ENAH: variants seen among roughly 807,000 people sequenced by gnomAD.
ENAH encodes ENAH actin regulator, also known as protein enabled homolog.
A neutral mutation model predicts 78.7 loss-of-function variants in ENAH; 23 were observed. That is an observed-to-expected ratio of 0.29 (90% CI 0.21 to 0.41). The LOEUF is 0.41. Ranked by LOEUF, ENAH falls within the 10% of genes least tolerant of loss-of-function variation. ENAH has a pLI of 1.00. For synonymous variants in ENAH, 226 were observed against 241.0 expected, an observed-to-expected ratio of 0.94 and a Z score of 0.58; for missense variants, 544 against 691.0, an observed-to-expected ratio of 0.79 and a Z score of 2.39.
chr1:225,634,558 T>C (rs1659717069), intron 1 of ENAH, among the ~76,000 whole-genome samples: 1 of 152,182 alleles, frequency 6.6e-6, no homozygotes, highest in Non-Finnish European at 1.5e-5. Flanking sequence ...ACATCAATAA[T>C]GTTGAGGTTG....
At chr1:225,621,750 C>T (rs562225316) in intron 1 of ENAH, among the ~76,000 whole-genome samples, 2 of 152,254 alleles carry the variant, frequency 1.3e-5, no homozygotes, top group Admixed American at 1.3e-4. Context: ...GAATAAATCC[C>T]AAGCAGTCAC....
At chr1:225,624,102 G>A (rs1028459446) in intron 1 of ENAH, among the ~76,000 whole-genome samples, 39 of 152,034 alleles carry the variant, frequency 2.6e-4, no homozygotes, top group Admixed American at 2.0e-4. Flanking sequence ...CTTTTTTATG[G>A]CTGCAACAAA....
At chr1:225,515,588 A>G (rs559284581) in intron 6 of ENAH, among the ~76,000 whole-genome samples, 1 of 152,230 alleles carries the variant, frequency 6.6e-6, no homozygotes, top group Non-Finnish European at 1.5e-5. Flanking sequence ...GGGCAAGAAG[A>G]GAAATGTTCA....
At chr1:225,498,452 TAAAG>T in intron 12 of ENAH, 48 bp from the exon 13 acceptor site, 1 of 1,171,996 alleles carries the variant, frequency 8.5e-7, no homozygotes, top group Non-Finnish European at 1.2e-6. Context: ...AAATTACCAC[TAAAG>T]AGATTCTTAC....
intron 3 of ENAH, among the ~76,000 whole-genome samples, chr1:225,547,817 A>G (rs1201540550): frequency 6.6e-6 from 1 of 152,102 alleles, no homozygotes; most frequent in Non-Finnish European, 1.5e-5. Context: ...TCCCATGCCT[A>G]CAGTATGTCC....
At chr1:225,638,555 T>C (rs1234608236) in intron 1 of ENAH, among the ~76,000 whole-genome samples, 5 of 152,178 alleles carry the variant, frequency 3.3e-5, no homozygotes, top group African/African-American at 1.2e-4. Flanking sequence ...AAGTTATTGT[T>C]GAGGATTTTT....
chr1:225,611,034 A>T (rs1575712473), intron 1 of ENAH, among the ~76,000 whole-genome samples: 1 of 152,330 alleles, frequency 6.6e-6, no homozygotes, highest in African/African-American at 2.4e-5. Context: ...AGCAGGCAAA[A>T]CTAATTGACG....
rs1208319079 is a variant in ENAH at position 225,492,299 on chromosome 1, TG to T, written c.*5475del. ...AAATGAGTCTCCCTGTTACCCAGGC[TG>T]ATCTCAAAACTTCTGGCCTCAAGCA... On this transcript the variant is annotated 3_prime_UTR_variant, in exon 14 of 14. Transcript: ENST00000366843. The T allele has an allele frequency of 6.6e-6, 1 of 152,158 alleles. No individual in the cohort carries two copies. The highest frequency in any genetic ancestry group is 2.4e-5 in the African/African-American group (1 of 41,418). The allele number at this position is 152,158 out of a possible 1,614,324, so 9.4% of individuals were successfully genotyped here.
intron 1 of ENAH, among the ~76,000 whole-genome samples, chr1:225,590,389 G>A (rs1411591057): frequency 2.6e-5 from 4 of 151,872 alleles, no homozygotes; most frequent in Admixed American, 6.6e-5. Context: ...ACTTGAGCCC[G>A]GGAGGTGGAG....
At chr1:225,510,616 A>G (rs1219409327) in intron 10 of ENAH, among the ~76,000 whole-genome samples, 1 of 151,814 alleles carries the variant, frequency 6.6e-6, no homozygotes, top group East Asian at 1.9e-4. Flanking sequence ...CTGAAGAGTC[A>G]CCATTTAATA....
intron 1 of ENAH, among the ~76,000 whole-genome samples, chr1:225,590,897 C>A (rs1329806767): frequency 6.6e-6 from 1 of 152,124 alleles, no homozygotes; most frequent in Non-Finnish European, 1.5e-5. Flanking sequence ...TAAATATTAC[C>A]TAGAAAATAT....
chr1:225,569,517 A>C (rs1163509272), intron 1 of ENAH, among the ~76,000 whole-genome samples: 1 of 152,204 alleles, frequency 6.6e-6, no homozygotes, highest in Non-Finnish European at 1.5e-5. Context: ...TGTCAGTAAG[A>C]TCATATAAGC....
intron 1 of ENAH, among the ~76,000 whole-genome samples, chr1:225,596,193 T>C (rs760038857): frequency 5.3e-5 from 8 of 152,234 alleles, no homozygotes; most frequent in Non-Finnish European, 1.2e-4. Flanking sequence ...ATCCCATTGC[T>C]AGTGAGACAG....
chr1:225,497,473 C>T lies in ENAH; in HGVS notation c.*302G>A, dbSNP rs188405610. 1.8e-4 allele frequency: 38 copies of T among 215,826 alleles called. No individual in the cohort carries two copies. The East Asian group carries it at 3.3e-3, about 19-fold the overall frequency. The allele number at this position is 215,826 out of a possible 1,614,324, so 13.4% of individuals were successfully genotyped here. On this transcript the variant is annotated 3_prime_UTR_variant, in exon 14 of 14. Coordinates refer to ENST00000366843, the MANE Select transcript of ENAH (RefSeq NM_018212.6). ...ATCTTGATATGAAAATATTTCAATG[C>T]GTGGTGATCTTGCCTGATGGGTTTT...
rs1575520463 is a variant in ENAH, at chr1:225,557,868, A to G, written c.172-2785T>C. 3.3e-5 allele frequency among the ~76,000 whole-genome samples: 5 copies of G among 152,272 alleles called. No homozygotes were observed. In the South Asian group the frequency reaches 1.0e-3, roughly 32 times the overall value. ...TAAATAAATGACTTTTCATGTAATA[A>G]TTTTATTGATATCTTTTATCTGGGG... On this transcript the variant is annotated intron_variant, in intron 2 of 13. Coordinates refer to ENST00000366843, the MANE Select transcript of ENAH (RefSeq NM_018212.6).
rs935282170 is a variant in ENAH, at chr1:225,609,813, G to A, written c.6-42399C>T. Among the ~76,000 whole-genome samples the A allele has an allele frequency of 1.8e-4, 27 of 151,760 alleles. 1 individual carries two copies. The highest frequency in any genetic ancestry group is 6.3e-4 in the African/African-American group (26 of 41,394). ...TGAGTATCTGGGAGCACAGGCATGC[G>A]CCACCATCCCCAGCTAATTTTTTAT... On this transcript the variant is annotated intron_variant, in intron 1 of 13. Transcript: ENST00000366843.
chr1:225,587,861 T>C (rs2096854925), intron 1 of ENAH, among the ~76,000 whole-genome samples: 1 of 152,116 alleles, frequency 6.6e-6, no homozygotes, highest in Non-Finnish European at 1.5e-5. Context: ...ACAACTAATT[T>C]TTTAAAAAGA....
intron 1 of ENAH, chr1:225,652,453 T>C (rs973606724): frequency 4.1e-6 from 4 of 976,740 alleles, no homozygotes; most frequent in Admixed American, 6.2e-5. Context: ...AGAAGAGCAT[T>C]TGAGGAAAAA....
rs886759456 is a variant in ENAH, at chr1:225,554,844, C to A, written c.349+62G>T. On this transcript the variant is annotated intron_variant, in intron 3 of 13. Coordinates refer to ENST00000366843, the MANE Select transcript of ENAH (RefSeq NM_018212.6). The stretch of plus-strand genomic sequence containing the variant: ...CTTCAGTTCAAGAATACAAGTAAAT[C>A]TTCAGTTTTGCTTTGTCTCTGGAAA... 2.9e-6 allele frequency: 4 copies of A among 1,362,682 alleles called. No homozygotes were observed. The African/African-American group carries it at 5.7e-5, about 19-fold the overall frequency. The allele number at this position is 1,362,682 out of a possible 1,614,324, so 84.4% of individuals were successfully genotyped here.
Sources: gnomAD v4.1 joint callset for allele counts (sites outside exome capture counted in the v4.1 genomes callset) on GRCh38, gnomAD v4.1.1 for gene constraint, MANE v1.5 for transcripts, NCBI Gene and HGNC (gene_info 2026-07-23, HGNC 2026-07-21) for gene names.